Variants in TENM3 observed in about 807,000 individuals in gnomAD.
The protein encoded by TENM3 is teneurin transmembrane protein 3, also known as teneurin-3.
A neutral mutation model predicts 255.1 loss-of-function variants in TENM3; 63 were observed. The observed-to-expected ratio is 0.25, with a 90% confidence interval of 0.20 to 0.30. The LOEUF is 0.30. TENM3 is among the 10% of genes least tolerant of loss of function. TENM3 has a pLI of 1.00. For synonymous variants in TENM3, 1,306 were observed against 1,322.3 expected (o/e 0.99, Z 0.27); for missense variants, 2,929 against 3,461.1 (o/e 0.85, Z 3.86).
At chr4:181,453,387 C>T in the TENM3 span, among the ~76,000 whole-genome samples, 7 of 152,160 alleles carry the variant, frequency 4.6e-5, no homozygotes, top group African/African-American at 1.7e-4. Context: ...GTATGGACAT[C>T]CTGTTTTGTG....
rs767690923 is a variant in TENM3, at chr4:182,412,864, C to CA, written c.511+65949dup. Among the ~76,000 whole-genome samples the CA allele has an allele frequency of 8.6e-3, 700 of 80,970 alleles. 5 individuals are homozygous for CA. Among genetic ancestry groups the CA allele is most frequent in the Admixed American group, 0.032 (237 of 7,318 alleles). The allele number at this position is 80,970 out of a possible 152,430, so 53.1% of individuals were successfully genotyped here. A position where few individuals can be genotyped will look rare whatever the true frequency, so the allele number is the denominator to read the frequency against. ...TGGGTGACAGAGTGAGACTCTGTCTCAAAAAAAAAAAAAAGAATAAGAAAT... is the reference window on the plus strand; with the variant it reads ...TGGGTGACAGAGTGAGACTCTGTCTCAAAAAAAAAAAAAAAGAATAAGAAAT... On this transcript the variant is annotated intron_variant, in intron 3 of 27. Transcript: ENST00000511685.
At chr4:181,815,573 A>G in the TENM3 span, among the ~76,000 whole-genome samples, 2 of 152,160 alleles carry the variant, frequency 1.3e-5, no homozygotes, top group Non-Finnish European at 2.9e-5. Context: ...GATATTAGAA[A>G]AATATAGAGG....
At chr4:182,619,326 G>C (rs925909669) in intron 4 of TENM3, among the ~76,000 whole-genome samples, 4 of 152,060 alleles carry the variant, frequency 2.6e-5, no homozygotes, top group African/African-American at 9.7e-5. Context: ...AGCTACTTGG[G>C]AGGCTGAGGC....
intron 1 of TENM3, among the ~76,000 whole-genome samples, chr4:182,262,260 C>T (rs1758850376): frequency 1.3e-5 from 2 of 152,190 alleles, no homozygotes; most frequent in African/African-American, 4.8e-5. Flanking sequence ...AAGCTATTTA[C>T]TTGTTCTACA....
intron 2 of TENM3, among the ~76,000 whole-genome samples, chr4:182,335,308 G>GCTAA (rs1561334436): frequency 1.4e-4 from 10 of 73,990 alleles, no homozygotes; most frequent in Non-Finnish European, 2.9e-4. Context: ...ACCATCCTGT[G>GCTAA]AATGGTGAAA....
At chr4:182,784,653 C>T (rs963683982) in intron 24 of TENM3, among the ~76,000 whole-genome samples, 1 of 151,060 alleles carries the variant, frequency 6.6e-6, no homozygotes, top group Non-Finnish European at 1.5e-5. Flanking sequence ...CTCCCCAAGC[C>T]TCGCTGCCGC....
intron 3 of TENM3, among the ~76,000 whole-genome samples, chr4:182,376,310 A>G (rs1479075796): frequency 2.0e-5 from 3 of 152,172 alleles, no homozygotes; most frequent in Non-Finnish European, 4.4e-5. Context: ...CCCATAATAA[A>G]CAGAGTATAA....
chr4:181,663,460 C>T, the TENM3 span, among the ~76,000 whole-genome samples: 4 of 152,210 alleles, frequency 2.6e-5, no homozygotes, highest in Admixed American at 2.6e-4. Flanking sequence ...TTTGAAACTT[C>T]CTGTCCCTTA....
At chr4:181,800,361 G>A in the TENM3 span, among the ~76,000 whole-genome samples, 1 of 152,196 alleles carries the variant, frequency 6.6e-6, no homozygotes, top group African/African-American at 2.4e-5. Flanking sequence ...GCCGGGAAAG[G>A]TGGCTCACAC....
intron 27 of TENM3, 35 bp downstream of exon 27, chr4:182,796,802 G>C: frequency 6.4e-7 from 1 of 1,556,926 alleles, no homozygotes; most frequent in Non-Finnish European, 8.7e-7. Flanking sequence ...AAGGTGATAA[G>C]TAGCTTGTGT....
the TENM3 span, among the ~76,000 whole-genome samples, chr4:181,659,602 A>G: frequency 3.3e-5 from 5 of 152,236 alleles, no homozygotes; most frequent in African/African-American, 1.2e-4. Flanking sequence ...CAAAGAAGGT[A>G]AAAGGTAAAT....
chr4:181,851,730 A>G, the TENM3 span, among the ~76,000 whole-genome samples: 48 of 152,356 alleles, frequency 3.2e-4, no homozygotes, highest in African/African-American at 1.1e-3. Flanking sequence ...AGTAAGGAAA[A>G]GCAATATTTA....
At chr4:182,554,426 A>T (rs942693561) in intron 3 of TENM3, among the ~76,000 whole-genome samples, 5 of 152,218 alleles carry the variant, frequency 3.3e-5, no homozygotes, top group Admixed American at 3.3e-4. Flanking sequence ...CTTGTAATTC[A>T]TATTTTACCA....
chr4:182,036,267 T>C, the TENM3 span, among the ~76,000 whole-genome samples: 159 of 152,308 alleles, frequency 1.0e-3, no homozygotes, highest in Non-Finnish European at 2.1e-3. Flanking sequence ...CTCTGCTTAC[T>C]GCAACCTCCA....
chr4:181,981,515 GATTAC>G, the TENM3 span, among the ~76,000 whole-genome samples: 1 of 152,132 alleles, frequency 6.6e-6, no homozygotes, highest in South Asian at 2.1e-4. Flanking sequence ...ATTATAAGTA[GATTAC>G]ATTAATATTA....
intron 3 of TENM3, among the ~76,000 whole-genome samples, chr4:182,598,388 G>T (rs913072727): frequency 6.6e-6 from 1 of 152,144 alleles, no homozygotes; most frequent in Non-Finnish European, 1.5e-5. Flanking sequence ...GCAGACCATT[G>T]GCAAGAGCAT....
the TENM3 span, among the ~76,000 whole-genome samples, chr4:181,888,548 A>ATGTGTATATATATG: frequency 1.2e-4 from 12 of 99,968 alleles, no homozygotes; most frequent in African/African-American, 4.7e-4. Context: ...ATATATATAT[A>ATGTGTATATATATG]TGTATATATA....
At chr4:182,531,772 G>A (rs1444794554) in intron 3 of TENM3, among the ~76,000 whole-genome samples, 4 of 152,118 alleles carry the variant, frequency 2.6e-5, no homozygotes, top group African/African-American at 9.7e-5. Flanking sequence ...TTTTTACTGG[G>A]ACTGGTCATG....
At chr4:182,262,499 C>A (rs144312618) in intron 1 of TENM3, among the ~76,000 whole-genome samples, 9,788 of 152,160 alleles carry the variant, frequency 0.064, 338 homozygotes, top group Non-Finnish European at 0.077. Context: ...ACGAGAGTGA[C>A]CTCTGGTCGT....
Sources: allele counts gnomAD v4.1 joint callset (sites outside exome capture counted in the v4.1 genomes callset), GRCh38; gene constraint gnomAD v4.1.1; transcripts MANE v1.5; gene names NCBI Gene and HGNC (gene_info 2026-07-23, HGNC 2026-07-21).